SH3RF2: variants seen among roughly 807,000 people sequenced by gnomAD.
SH3RF2 encodes the protein SH3 domain containing ring finger 2.
In SH3RF2, 43 loss-of-function variants were observed where a neutral mutation model predicts 59.0. The observed-to-expected ratio is 0.73, with a 90% CI of 0.57 to 0.94. The LOEUF is 0.94. SH3RF2 is among the 40% of genes least tolerant of loss of function. The probability of loss-of-function intolerance (pLI) is 0.00; values close to 1 mark genes in which losing one functional copy is unlikely to be tolerated. For synonymous variants in SH3RF2, 391 were observed against 391.5 expected (o/e 1.00, Z 0.01); for missense variants, 930 against 940.1 (o/e 0.99, Z 0.14).
intron 5 of SH3RF2, among the ~76,000 whole-genome samples, chr5:146,020,868 T>C (rs1233326336): frequency 1.3e-5 from 2 of 152,184 alleles, no homozygotes; most frequent in East Asian, 3.8e-4. Context: ...TCCTGCATCC[T>C]ATGCCAGGAT....
chr5:146,000,827 G>A (rs556406004), intron 3 of SH3RF2, among the ~76,000 whole-genome samples: 6 of 152,342 alleles, frequency 3.9e-5, no homozygotes, highest in African/African-American at 1.4e-4. Flanking sequence ...ATAAGTCACA[G>A]TCTCTGCTCT....
chr5:146,072,473 C>T (rs1763259154), intron 9 of SH3RF2, among the ~76,000 whole-genome samples: 2 of 152,192 alleles, frequency 1.3e-5, no homozygotes, highest in African/African-American at 2.4e-5. Context: ...GAGTTTGAGA[C>T]CAGCCTGGCC....
chr5:146,026,865 G>C (rs140446874), intron 5 of SH3RF2, among the ~76,000 whole-genome samples: 1 of 152,276 alleles, frequency 6.6e-6, no homozygotes, highest in East Asian at 1.9e-4. Flanking sequence ...TCATAAGATG[G>C]CTGCGAGGAT....
In SH3RF2 at chr5:145,942,492, A is replaced by T. The variant is rs571235707; in HGVS notation, c.378+4186A>T. ...GGGAAAAAAAATGAGGTCAGAAAAC[A>T]TATCAGGGAATGAGGCTGGGTAGAA... On this transcript the variant is annotated intron_variant, in intron 2 of 9. Coordinates refer to ENST00000359120, the MANE Select transcript of SH3RF2 (RefSeq NM_152550.4). Among the ~76,000 whole-genome samples, 6 of 152,316 alleles carry T rather than the reference A, an allele frequency of 3.9e-5. No homozygotes were observed. In the East Asian group the frequency reaches 1.2e-3, roughly 29 times the overall value.
chr5:146,045,923 T>C (rs1561760401), intron 5 of SH3RF2, among the ~76,000 whole-genome samples: 1 of 152,240 alleles, frequency 6.6e-6, no homozygotes, highest in Non-Finnish European at 1.5e-5. Flanking sequence ...ATAGAGGCTG[T>C]ACCATTTTAC....
At chr5:145,956,640 T>C (rs542511055) in intron 2 of SH3RF2, among the ~76,000 whole-genome samples, 1 of 152,226 alleles carries the variant, frequency 6.6e-6, no homozygotes, top group South Asian at 2.1e-4. Context: ...GGTTAAGATA[T>C]AGAAATTATA....
chr5:146,024,487 A>C (rs566630959), intron 5 of SH3RF2, among the ~76,000 whole-genome samples: 1 of 152,154 alleles, frequency 6.6e-6, no homozygotes, highest in African/African-American at 2.4e-5. Flanking sequence ...CAGTTATATG[A>C]CTTGCAATTT....
intron 9 of SH3RF2, among the ~76,000 whole-genome samples, chr5:146,071,772 C>T (rs1035099373): frequency 6.6e-6 from 1 of 152,208 alleles, no homozygotes; most frequent in Non-Finnish European, 1.5e-5. Context: ...AAAAGTGACA[C>T]AACCCTAGAC....
rs559530818 is a variant in SH3RF2 at position 146,016,081 on chromosome 5, A to G, written c.1059+2020A>G. Among the ~76,000 whole-genome samples, 4 of 152,328 alleles carry G rather than the reference A, an allele frequency of 2.6e-5. No individual in the cohort carries two copies. In the East Asian group the frequency reaches 5.8e-4, roughly 22 times the overall value. On this transcript the variant is annotated intron_variant, in intron 5 of 9. Coordinates refer to ENST00000359120, the MANE Select transcript of SH3RF2 (RefSeq NM_152550.4). ...GTGCCTAGACCCTAGCAGGTGCTCAATAAATCAAGGAATCAAGACTTTTAA... is the reference window on the plus strand; with the variant it reads ...GTGCCTAGACCCTAGCAGGTGCTCAGTAAATCAAGGAATCAAGACTTTTAA...
intron 8 of SH3RF2, among the ~76,000 whole-genome samples, chr5:146,057,134 C>T (rs188850945): frequency 4.7e-4 from 71 of 152,320 alleles, no homozygotes; most frequent in African/African-American, 1.6e-3. Flanking sequence ...GATGAATTAA[C>T]ATGAAAACGC....
chr5:146,019,061 TTC>T (rs1269382103), intron 5 of SH3RF2, among the ~76,000 whole-genome samples: 4 of 152,138 alleles, frequency 2.6e-5, no homozygotes, highest in Non-Finnish European at 5.9e-5. Flanking sequence ...ATTCTTAGGT[TTC>T]TGTTTACTCT....
intron 5 of SH3RF2, among the ~76,000 whole-genome samples, chr5:146,041,480 AAT>A (rs1421439766): frequency 1.3e-5 from 2 of 152,220 alleles, no homozygotes; most frequent in Non-Finnish European, 2.9e-5. Flanking sequence ...CCTAGGACCC[AAT>A]AAGGTCCACA....
chr5:145,993,727 C>T (rs571882560), intron 2 of SH3RF2, among the ~76,000 whole-genome samples: 3 of 152,366 alleles, frequency 2.0e-5, no homozygotes, highest in Admixed American at 2.0e-4. Context: ...GGGCCCGGCC[C>T]ATGAAACCAC....
chr5:146,024,921 A>G (rs1479986104), intron 5 of SH3RF2, among the ~76,000 whole-genome samples: 1 of 152,180 alleles, frequency 6.6e-6, no homozygotes, highest in African/African-American at 2.4e-5. Flanking sequence ...ATTAAAATTG[A>G]TTCTATTCAA....
At chr5:146,049,505 T>C (rs1287733156) in intron 7 of SH3RF2, among the ~76,000 whole-genome samples, 2 of 152,250 alleles carry the variant, frequency 1.3e-5, no homozygotes, top group African/African-American at 2.4e-5. Context: ...GTAGATATTA[T>C]GTTACAGATG....
At chr5:146,075,638 C>T (rs1311047761) in intron 9 of SH3RF2, among the ~76,000 whole-genome samples, 1 of 151,934 alleles carries the variant, frequency 6.6e-6, no homozygotes, top group Non-Finnish European at 1.5e-5. Flanking sequence ...TGGCAAAACC[C>T]CATCTCTACT....
chr5:145,997,962 C>T lies in SH3RF2; in HGVS notation c.379-2096C>T, dbSNP rs1354060879. ...TATGCCTGACCCCAAGTTCATGGAT[C>T]ACAGGTGGTCCCACCCAGAACATAT... On this transcript the variant is annotated intron_variant, in intron 2 of 9. Transcript: ENST00000359120. The T allele has an allele frequency of 3.8e-6, 3 of 779,908 alleles. No individual in the cohort carries two copies. The Admixed American group carries it at 5.2e-5, about 13-fold the overall frequency. The allele number at this position is 779,908 out of a possible 1,614,324, so 48.3% of individuals were successfully genotyped here.
chr5:145,970,744 A>G (rs1217957663), intron 2 of SH3RF2, among the ~76,000 whole-genome samples: 1 of 152,176 alleles, frequency 6.6e-6, no homozygotes, highest in African/African-American at 2.4e-5. Flanking sequence ...CACCTAGTAA[A>G]CTGAAAAGAC....
chr5:146,031,592 C>T (rs1427932489), intron 5 of SH3RF2, among the ~76,000 whole-genome samples: 1 of 152,102 alleles, frequency 6.6e-6, no homozygotes, highest in Non-Finnish European at 1.5e-5. Context: ...GAATGCAGGC[C>T]GTGGGTTCTC....
Sources: gnomAD v4.1 joint callset for allele counts (sites outside exome capture counted in the v4.1 genomes callset) on GRCh38, gnomAD v4.1.1 for gene constraint, MANE v1.5 for transcripts, NCBI Gene and HGNC (gene_info 2026-07-23, HGNC 2026-07-21) for gene names.